The following CSMD1 variants were observed in gnomAD, a reference collection of about 807,000 sequenced individuals.
CSMD1 encodes the protein CUB and Sushi multiple domains 1.
Under a neutral mutation model 417.5 loss-of-function variants are expected in CSMD1, and 213 were observed. The observed-to-expected ratio is 0.51, with a 90% CI of 0.46 to 0.57. CSMD1 has a LOEUF of 0.57. CSMD1 is among the 20% of genes least tolerant of loss of function. CSMD1 has a pLI of 0.00. For synonymous variants in CSMD1, 2,862 were observed against 1,736.8 expected, an observed-to-expected ratio of 1.65 and a Z score of -16.11; for missense variants, 6,923 against 4,529.7, an observed-to-expected ratio of 1.53 and a Z score of -15.17.
chr8:3,982,986 C>G (rs1456338598), intron 5 of CSMD1, among the ~76,000 whole-genome samples: 1 of 152,024 alleles, frequency 6.6e-6, no homozygotes, highest in Admixed American at 6.6e-5. Context: ...AAATAGGGCC[C>G]CTAGAGCTAG....
chr8:3,699,228 T>C (rs1376203906), intron 7 of CSMD1, among the ~76,000 whole-genome samples: 1 of 152,240 alleles, frequency 6.6e-6, no homozygotes, highest in Non-Finnish European at 1.5e-5. Flanking sequence ...AGACTGACAA[T>C]TAGTTTTTAT....
intron 3 of CSMD1, among the ~76,000 whole-genome samples, chr8:4,398,188 T>G (rs565951468): frequency 1.3e-5 from 2 of 152,238 alleles, no homozygotes; most frequent in South Asian, 4.1e-4. Flanking sequence ...GAACTCCAAG[T>G]AGCTGAGAAT....
At chr8:4,433,751 C>T (rs1388633178) in intron 2 of CSMD1, among the ~76,000 whole-genome samples, 2 of 152,078 alleles carry the variant, frequency 1.3e-5, no homozygotes, top group African/African-American at 4.8e-5. Context: ...TTTCCTACAC[C>T]TTTATGAATT....
intron 1 of CSMD1, among the ~76,000 whole-genome samples, chr8:4,862,020 C>G (rs1802165957): frequency 6.6e-6 from 1 of 152,042 alleles, no homozygotes; most frequent in East Asian, 1.9e-4. Context: ...TTTGGAGTTA[C>G]TGAACAGGAG....
At chr8:4,383,525 T>A (rs1478143054) in intron 3 of CSMD1, among the ~76,000 whole-genome samples, 1 of 152,174 alleles carries the variant, frequency 6.6e-6, no homozygotes, top group East Asian at 1.9e-4. Flanking sequence ...GCCCTGGCTA[T>A]TGCAGACAGG....
chr8:4,552,957 T>A (rs1287226671), intron 2 of CSMD1, among the ~76,000 whole-genome samples: 1 of 152,228 alleles, frequency 6.6e-6, no homozygotes, highest in African/African-American at 2.4e-5. Flanking sequence ...CCCGTCTCTT[T>A]CTGCTCTCTT....
intron 12 of CSMD1, among the ~76,000 whole-genome samples, chr8:3,423,869 C>T (rs537031820): frequency 3.3e-5 from 5 of 152,132 alleles, no homozygotes; most frequent in Admixed American, 1.3e-4. Flanking sequence ...ACCAGTCCTA[C>T]GGCACGAGCT....
chr8:3,683,700 A>C (rs1003927546), intron 7 of CSMD1, among the ~76,000 whole-genome samples: 3 of 152,148 alleles, frequency 2.0e-5, no homozygotes, highest in African/African-American at 7.2e-5. Context: ...ACTAGACAGA[A>C]AGAGGCTCAA....
At chr8:4,959,316 G>A (rs1809325436) in intron 1 of CSMD1, among the ~76,000 whole-genome samples, 1 of 152,154 alleles carries the variant, frequency 6.6e-6, no homozygotes, top group Admixed American at 6.6e-5. Context: ...GGAATTTCTG[G>A]GACCTTCTTA....
intron 2 of CSMD1, among the ~76,000 whole-genome samples, chr8:4,446,386 AAAAC>A (rs948363333): frequency 1.1e-4 from 16 of 152,046 alleles, no homozygotes; most frequent in Admixed American, 2.6e-4. Context: ...CAACTCCATA[AAAAC>A]AAACAAAAGT....
chr8:3,008,783 CAACCTA>C (rs1429257343), intron 52 of CSMD1, among the ~76,000 whole-genome samples: 2 of 152,198 alleles, frequency 1.3e-5, no homozygotes, highest in African/African-American at 2.4e-5. Flanking sequence ...ATGCGGTTTG[CAACCTA>C]AAACCACCAC....
intron 12 of CSMD1, among the ~76,000 whole-genome samples, chr8:3,453,082 T>C (rs1369445782): frequency 6.6e-6 from 1 of 152,244 alleles, no homozygotes; most frequent in Admixed American, 6.5e-5. Context: ...CCATTTCTTC[T>C]AGATTTTCTA....
intron 4 of CSMD1, among the ~76,000 whole-genome samples, chr8:4,017,767 A>G (rs1287948554): frequency 6.6e-6 from 1 of 152,140 alleles, no homozygotes; most frequent in Non-Finnish European, 1.5e-5. Flanking sequence ...TCCTAAATAA[A>G]TGAAGAGATG....
chr8:3,938,278 G>C (rs996023231), intron 5 of CSMD1, among the ~76,000 whole-genome samples: 1 of 152,072 alleles, frequency 6.6e-6, no homozygotes, highest in Non-Finnish European at 1.5e-5. Context: ...CAGAGCACAA[G>C]GGAAAAAACT....
At chr8:4,662,412 C>T (rs554033437) in intron 1 of CSMD1, among the ~76,000 whole-genome samples, 2 of 152,252 alleles carry the variant, frequency 1.3e-5, no homozygotes, top group East Asian at 3.9e-4. Context: ...TACAAAAAGA[C>T]CACATTGACA....
intron 10 of CSMD1, among the ~76,000 whole-genome samples, chr8:3,538,134 G>C (rs1798279842): frequency 6.6e-6 from 1 of 152,300 alleles, no homozygotes; most frequent in African/African-American, 2.4e-5. Context: ...ATTGCACATG[G>C]ACTTCTAGAT....
At chr8:3,422,454 T>C (rs1453825984) in intron 12 of CSMD1, among the ~76,000 whole-genome samples, 1 of 152,124 alleles carries the variant, frequency 6.6e-6, no homozygotes, top group Non-Finnish European at 1.5e-5. Flanking sequence ...TTCAAAAATA[T>C]CATGTGCATT....
chr8:3,405,229 G>C (rs914674098), intron 15 of CSMD1, among the ~76,000 whole-genome samples: 13 of 152,118 alleles, frequency 8.5e-5, no homozygotes, highest in African/African-American at 2.7e-4. Context: ...CTAGAGGTAA[G>C]TTTTTAAGTT....
intron 5 of CSMD1, among the ~76,000 whole-genome samples, chr8:3,811,599 GCA>G (rs1185310575): frequency 6.6e-6 from 1 of 152,070 alleles, no homozygotes; most frequent in Non-Finnish European, 1.5e-5. Flanking sequence ...ACAACCACAG[GCA>G]CACACTCCTT....
Sources: gnomAD v4.1 joint callset for allele counts (sites outside exome capture counted in the v4.1 genomes callset) on GRCh38, gnomAD v4.1.1 for gene constraint, MANE v1.5 for transcripts, NCBI Gene and HGNC (gene_info 2026-07-23, HGNC 2026-07-21) for gene names.